Variants in RBFOX3 observed in about 807,000 individuals in gnomAD.
RBFOX3 encodes RNA binding protein fox-1 homolog 3.
In RBFOX3, 17 loss-of-function variants were observed where a neutral mutation model predicts 48.7. The ratio of observed to expected loss-of-function variants is 0.35; its 90% CI spans 0.24 to 0.52. RBFOX3 has a LOEUF of 0.52. Among genes scored for constraint, RBFOX3 ranks in the 20% least tolerant of loss-of-function variants. RBFOX3 has a pLI of 0.94. For missense variants in RBFOX3, 382 were observed against 497.5 expected (o/e 0.77, Z 2.21); for synonymous variants, 212 against 209.5 (o/e 1.01, Z -0.10).
the RBFOX3 span, among the ~76,000 whole-genome samples, chr17:79,651,510 T>C: frequency 0.028 from 4,299 of 152,084 alleles, 213 homozygotes; most frequent in African/African-American, 0.098. Flanking sequence ...ACTGATGGAG[T>C]GTGGCATGCA....
At chr17:79,197,992 G>A (rs557895816) in intron 4 of RBFOX3, among the ~76,000 whole-genome samples, 9 of 152,298 alleles carry the variant, frequency 5.9e-5, no homozygotes, top group East Asian at 5.8e-4. Context: ...ACTGCGGCGC[G>A]TGCTTCTGAT....
At chr17:79,632,234 T>G in the RBFOX3 span, among the ~76,000 whole-genome samples, 1 of 152,176 alleles carries the variant, frequency 6.6e-6, no homozygotes, top group Non-Finnish European at 1.5e-5. Context: ...ACAGCCTTGG[T>G]TCGTTGTAGA....
chr17:79,166,677 G>C (rs1042227790), intron 4 of RBFOX3, among the ~76,000 whole-genome samples: 2 of 152,182 alleles, frequency 1.3e-5, no homozygotes, highest in Admixed American at 1.3e-4. Flanking sequence ...ACCTGGCCGA[G>C]GGAAGCCCCC....
At chr17:79,173,349 C>G (rs1001913581) in intron 4 of RBFOX3, among the ~76,000 whole-genome samples, 3 of 152,228 alleles carry the variant, frequency 2.0e-5, no homozygotes, top group Admixed American at 6.5e-5. Context: ...CTGAATTCTT[C>G]TGGTGATGGG....
intron 4 of RBFOX3, among the ~76,000 whole-genome samples, chr17:79,143,876 C>T (rs1188447082): frequency 1.3e-5 from 2 of 152,268 alleles, no homozygotes; most frequent in East Asian, 3.8e-4. Flanking sequence ...CAAGCCAGGA[C>T]ACCCCAGTGG....
At chr17:79,281,845 G>T (rs751869626) in intron 3 of RBFOX3, among the ~76,000 whole-genome samples, 1 of 152,088 alleles carries the variant, frequency 6.6e-6, no homozygotes, top group Admixed American at 6.5e-5. Context: ...AAGCTCACCC[G>T]TCCTGGCATT....
At chr17:79,651,700 CCCCT>C in the RBFOX3 span, among the ~76,000 whole-genome samples, 2 of 97,114 alleles carry the variant, frequency 2.1e-5, no homozygotes, top group Admixed American at 1.1e-4. Context: ...CTCCCCCTCC[CCCCT>C]CCCTCCCTGT....
intron 1 of RBFOX3, among the ~76,000 whole-genome samples, chr17:79,505,423 T>C (rs574475845): frequency 4.6e-5 from 7 of 152,102 alleles, no homozygotes; most frequent in South Asian, 4.2e-4. Context: ...TGTCCTACAC[T>C]TGCCTTCAGG....
At chr17:79,293,999 CAT>C (rs2073898971) in intron 3 of RBFOX3, among the ~76,000 whole-genome samples, 1 of 152,204 alleles carries the variant, frequency 6.6e-6, no homozygotes, top group Non-Finnish European at 1.5e-5. Context: ...GAAGCAATGA[CAT>C]AGTCTCACAG....
At chr17:79,110,551 C>T (rs192515021) in intron 5 of RBFOX3, among the ~76,000 whole-genome samples, 1 of 152,326 alleles carries the variant, frequency 6.6e-6, no homozygotes, top group Non-Finnish European at 1.5e-5. Flanking sequence ...TCCTCGACAG[C>T]GCCGTCTCCC....
At chr17:79,180,707 GCTCA>G (rs1420745332) in intron 4 of RBFOX3, among the ~76,000 whole-genome samples, 1 of 152,040 alleles carries the variant, frequency 6.6e-6, no homozygotes, top group Non-Finnish European at 1.5e-5. Flanking sequence ...AGCTGTGTGT[GCTCA>G]CCTAAAAACA....
chr17:79,190,808 A>G (rs980160119), intron 4 of RBFOX3, among the ~76,000 whole-genome samples: 2 of 152,184 alleles, frequency 1.3e-5, no homozygotes, highest in African/African-American at 4.8e-5. Flanking sequence ...GCCACTGACC[A>G]AAACTTGTAG....
chr17:79,393,547 T>C (rs1473660969), intron 2 of RBFOX3, among the ~76,000 whole-genome samples: 6 of 152,238 alleles, frequency 3.9e-5, no homozygotes, highest in Non-Finnish European at 8.8e-5. Flanking sequence ...GCACACTGGA[T>C]GCTGAGCGGG....
the RBFOX3 span, among the ~76,000 whole-genome samples, chr17:79,634,105 G>A: frequency 1.3e-5 from 2 of 152,202 alleles, no homozygotes; most frequent in Non-Finnish European, 2.9e-5. Flanking sequence ...ATCCAGAGGT[G>A]GGAGGGGTGG....
At chr17:79,160,678 T>C (rs956179356) in intron 4 of RBFOX3, among the ~76,000 whole-genome samples, 3 of 152,120 alleles carry the variant, frequency 2.0e-5, no homozygotes, top group Admixed American at 6.5e-5. Flanking sequence ...ATTCATTCAT[T>C]TTTTTCTTAA....
intron 2 of RBFOX3, among the ~76,000 whole-genome samples, chr17:79,476,079 C>T (rs1369256105): frequency 3.9e-5 from 6 of 152,254 alleles, no homozygotes; most frequent in African/African-American, 1.4e-4. Context: ...CTCTGGGGGC[C>T]ACTGACACCC....
At chr17:79,372,656 A>G (rs2058716618) in intron 2 of RBFOX3, among the ~76,000 whole-genome samples, 1 of 151,888 alleles carries the variant, frequency 6.6e-6, no homozygotes, top group Non-Finnish European at 1.5e-5. Flanking sequence ...TTTCCTGGGG[A>G]CTTCCTCCCC....
At chr17:79,592,889 C>G in intron 1 of RBFOX3, among the ~76,000 whole-genome samples, 1 of 152,308 alleles carries the variant, frequency 6.6e-6, no homozygotes, top group East Asian at 1.9e-4. Flanking sequence ...GCCCCTTCTC[C>G]CTGCCCAGAA....
chr17:79,483,647 A>G (rs1046568539), intron 1 of RBFOX3, among the ~76,000 whole-genome samples: 10 of 150,834 alleles, frequency 6.6e-5, no homozygotes, highest in African/African-American at 2.2e-4. Context: ...CCGCCATCCC[A>G]CTTTGCCTCC....
Sources: allele counts gnomAD v4.1 joint callset (sites outside exome capture counted in the v4.1 genomes callset), GRCh38; gene constraint gnomAD v4.1.1; transcripts MANE v1.5; gene names NCBI Gene and HGNC (gene_info 2026-07-23, HGNC 2026-07-21).